The following CSF1R variants were observed in gnomAD, a reference collection of about 807,000 sequenced individuals.
CSF1R encodes colony stimulating factor 1 receptor, also known as macrophage colony-stimulating factor 1 receptor.
In CSF1R, 40 loss-of-function variants were observed where a neutral mutation model predicts 110.0. The observed-to-expected ratio is 0.36, with a 90% CI of 0.28 to 0.47. The LOEUF is 0.47. Among genes scored for constraint, CSF1R ranks in the 20% least tolerant of loss-of-function variants. The probability of loss-of-function intolerance (pLI) is 0.99; values close to 1 mark genes in which losing one functional copy is unlikely to be tolerated. For missense variants in CSF1R, 1,052 were observed against 1,253.0 expected (o/e 0.84, Z 2.42); for synonymous variants, 523 against 503.4 (o/e 1.04, Z -0.52).
upstream of CSF1R, among the ~76,000 whole-genome samples, chr5:150,090,661 A>G (rs1387783570): frequency 6.6e-6 from 1 of 152,228 alleles, no homozygotes; most frequent in Non-Finnish European, 1.5e-5. Flanking sequence ...AATAAATTTT[A>G]AAAAAGAATG....
At position 150,066,094 on chromosome 5, in the gene CSF1R, G is replaced by A. The variant is rs113355830; in HGVS notation, c.1626+2121C>T. On this transcript the variant is annotated intron_variant, in intron 10 of 20. Coordinates refer to ENST00000675795, the MANE Select transcript of CSF1R (RefSeq NM_001288705.3). ...GGTGGGTGGGCTGGGCCAAACAACC[G>A]CTTTGGGTGTGTAGTCAAGGAGATG... Among the ~76,000 whole-genome samples the A allele has an allele frequency of 5.2e-3, 794 of 152,292 alleles. 8 individuals are homozygous for A. Among genetic ancestry groups the A allele is most frequent in the African/African-American group, 0.018 (752 of 41,560 alleles).
chr5:150,069,777 C>CAG, intron 9 of CSF1R, 96 bp downstream of exon 9: 1 of 1,245,716 alleles, frequency 8.0e-7, no homozygotes, highest in Non-Finnish European at 1.1e-6. Context: ...GAGCCAACCC[C>CAG]AGCTCCCTCG....
intron 1 of CSF1R, chr5:150,094,612 A>G (rs1406477320): frequency 1.3e-6 from 2 of 1,565,724 alleles, no homozygotes; most frequent in South Asian, 2.2e-5. Context: ...GTGAGCCCAA[A>G]GGTTCGAAAG....
chr5:150,109,428 T>C (rs1218011520), intron 1 of CSF1R, among the ~76,000 whole-genome samples: 1 of 152,142 alleles, frequency 6.6e-6, no homozygotes, highest in African/African-American at 2.4e-5. Context: ...GATGATGGAT[T>C]AGTAGAGCTG....
rs59055324 is a variant in CSF1R at position 150,083,349 on chromosome 5, AACACACACAC to A, written c.50-2335_50-2326del. On this transcript the variant is annotated intron_variant, in intron 1 of 20. Transcript: ENST00000675795. ...GCCCCAATCTCTACTCTTCTCTCCCAACACACACACACACACACACACACACACACACACA... is the reference window on the plus strand; with the variant it reads ...GCCCCAATCTCTACTCTTCTCTCCCAACACACACACACACACACACACACA... Among the ~76,000 whole-genome samples the A allele has an allele frequency of 5.5e-3, 584 of 106,372 alleles. 4 individuals are homozygous for A. The highest frequency in any genetic ancestry group is 0.014 in the Middle Eastern group (3 of 214). The allele number at this position is 106,372 out of a possible 152,430, so 69.8% of individuals were successfully genotyped here. A position where few individuals can be genotyped will look rare whatever the true frequency, so the allele number is the denominator to read the frequency against.
chr5:150,093,190 C>T lies in CSF1R; in HGVS notation c.-180-6583G>A, dbSNP rs958339055. On this transcript the variant is annotated intron_variant, in intron 1 of 21. Coordinates refer to the CSF1R transcript ENST00000286301. ...ACCTCCCAGGTTCAAGCGATTCTCA[C>T]GCATCAGCCTCCCAAGTAGCTGGGA... is the stretch of plus-strand genomic sequence containing the variant. Among the ~76,000 whole-genome samples the T allele has an allele frequency of 9.2e-5, 14 of 152,244 alleles. No individual in the cohort carries two copies. The South Asian group carries it at 1.0e-3, about 11-fold the overall frequency.
intron 10 of CSF1R, among the ~76,000 whole-genome samples, chr5:150,062,376 T>A (rs1757571057): frequency 6.8e-6 from 1 of 146,820 alleles, no homozygotes; most frequent in Non-Finnish European, 1.5e-5. Context: ...TCCAGAGCTC[T>A]TTTCATCTTG....
At chr5:150,072,322 T>C (rs1019672040) in intron 6 of CSF1R, among the ~76,000 whole-genome samples, 5 of 152,012 alleles carry the variant, frequency 3.3e-5, no homozygotes, top group African/African-American at 7.2e-5. Flanking sequence ...GGTGAAACTC[T>C]GTCTCTACTA....
intron 1 of CSF1R, among the ~76,000 whole-genome samples, chr5:150,096,685 C>A (rs772220465): frequency 6.6e-6 from 1 of 152,108 alleles, no homozygotes. Flanking sequence ...GTTCAACACT[C>A]AAAAATCAAG....
At position 150,086,434 on chromosome 5, in the gene CSF1R, G is replaced by A. The variant is rs371283991; in HGVS notation, c.-7C>T. 38 of 1,608,830 alleles carry A rather than the reference G, an allele frequency of 2.4e-5. No homozygotes were observed. Among genetic ancestry groups the A allele is most frequent in the African/African-American group, 1.6e-4 (12 of 75,012 alleles). ...GCAGAACTCCTGGGCCCATGGCCTC[G>A]GTGGGGAAGTGGCAGGCAGGTGCAG... is the stretch of plus-strand genomic sequence containing the variant. On this transcript the variant is annotated 5_prime_UTR_variant, in exon 1 of 21. Coordinates refer to ENST00000675795, the MANE Select transcript of CSF1R (RefSeq NM_001288705.3).
At chr5:150,106,647 T>G (rs1332361980) in intron 1 of CSF1R, among the ~76,000 whole-genome samples, 5 of 152,218 alleles carry the variant, frequency 3.3e-5, no homozygotes, top group Non-Finnish European at 7.3e-5. Flanking sequence ...CTCCCATTAC[T>G]ATTGCAGCTC....
In CSF1R at chr5:150,053,839, G is replaced by GA. The variant is rs1561899990; in HGVS notation, c.*229_*230insT. On this transcript the variant is annotated 3_prime_UTR_variant, in exon 21 of 21. Transcript: ENST00000675795. ...ACACCATGAGAACAGTAGGGGAGGG[G>GA]GGGGTGAGGGCTCAGCCCCCAGCCC... is the stretch of plus-strand genomic sequence containing the variant. 6 of 589,396 alleles carry GA rather than the reference G, an allele frequency of 1.0e-5. No homozygotes were observed. In the African/African-American group the frequency reaches 1.1e-4, roughly 11 times the overall value. 36.5% of individuals were successfully genotyped at this position (589,396 alleles called of 1,614,324 possible). A position where few individuals can be genotyped will look rare whatever the true frequency, so the allele number is the denominator to read the frequency against.
At chr5:150,081,131 T>C in intron 1 of CSF1R, 107 bp from the exon 2 acceptor site, 1 of 1,317,238 alleles carries the variant, frequency 7.6e-7, no homozygotes, top group Non-Finnish European at 1.1e-6. Context: ...TGCTGTGCCA[T>C]CAAGGGACCA....
upstream of CSF1R, among the ~76,000 whole-genome samples, chr5:150,089,649 C>A (rs543244468): frequency 3.3e-5 from 5 of 152,230 alleles, no homozygotes; most frequent in South Asian, 2.1e-4. Flanking sequence ...TCAATATAAT[C>A]CCTATCAAAA....
At chr5:150,078,376 G>C in intron 3 of CSF1R, 128 bp from the exon 4 acceptor site, 1 of 1,242,118 alleles carries the variant, frequency 8.1e-7, no homozygotes, top group Non-Finnish European at 1.1e-6. Flanking sequence ...CCAAATCCTG[G>C]GAGGCAGCCT....
intron 1 of CSF1R, among the ~76,000 whole-genome samples, chr5:150,097,807 T>C (rs752503218): frequency 1.3e-5 from 2 of 152,202 alleles, no homozygotes; most frequent in Non-Finnish European, 2.9e-5. Flanking sequence ...AGACTCAATA[T>C]TTTTGAGCAT....
Position 150,057,364 on chromosome 5 carries a change from G to T in CSF1R, c.2242C>A (p.Arg748=). The change falls in exon 16 of 21, where the codon CGG becomes AGG. Residue 748 remains arginine, a synonymous_variant. Transcript: ENST00000675795. ...SEQDLDKEDG[R]PLELRDLLHF... The stretch of plus-strand genomic sequence containing the variant: ...AGCAGGTCCCGGAGCTCCAGGGGCC[G>T]TCCATCCTCCTTGTCCAGGTCTAGG... 1 of 1,614,024 alleles carries T rather than the reference G, an allele frequency of 6.2e-7. No individual in the cohort carries two copies. The highest frequency in any genetic ancestry group is 8.5e-7 in the Non-Finnish European group (1 of 1,179,964).
rs542316497 is a variant in CSF1R, at chr5:150,057,337, G to A, written c.2269C>T (p.His757Tyr). ...CCCTGGGCTACTTGGCTGGAGAAGTGAAGCAGGTCCCGGAGCTCCAGGGGC... is the reference window on the plus strand; with the variant it reads ...CCCTGGGCTACTTGGCTGGAGAAGTAAAGCAGGTCCCGGAGCTCCAGGGGC... ...GRPLELRDLL[H>Y]FSSQVAQGMA... is the part of the protein sequence containing the mutation. Residue 757 changes from histidine to tyrosine, a missense_variant, in exon 16 of 21, where the codon CAC (histidine) becomes TAC (tyrosine). Around this residue, in one of 5 missense-constraint regions of CSF1R, gnomAD observed 124 missense variants for 117.7 expected, o/e 1.05. Transcript: ENST00000675795. 3 of 1,614,072 alleles carry A rather than the reference G, an allele frequency of 1.9e-6. No homozygotes were observed. The highest frequency in any genetic ancestry group is 1.7e-5 in the Admixed American group (1 of 60,030).
At chr5:150,088,521 T>C (rs1358699482), upstream of CSF1R, among the ~76,000 whole-genome samples, 3 of 148,844 alleles carry the variant, frequency 2.0e-5, no homozygotes, top group African/African-American at 7.4e-5. Flanking sequence ...AACCAAATCT[T>C]TTTTTTTTTT....
Sources: allele counts gnomAD v4.1 joint callset (sites outside exome capture counted in the v4.1 genomes callset), GRCh38; gene constraint gnomAD v4.1.1; regional missense constraint gnomAD v4.1.1; transcripts MANE v1.5; gene names NCBI Gene and HGNC (gene_info 2026-07-23, HGNC 2026-07-21).